GABRA2: variants seen among roughly 807,000 people sequenced by gnomAD.
The protein encoded by GABRA2 is gamma-aminobutyric acid type A receptor subunit alpha2.
Under a neutral mutation model 48.7 loss-of-function variants are expected in GABRA2, and 16 were observed. The ratio of observed to expected loss-of-function variants is 0.33; its 90% CI spans 0.22 to 0.50. GABRA2 has a LOEUF of 0.50. GABRA2 is among the 20% of genes least tolerant of loss of function. The probability of loss-of-function intolerance (pLI) is 0.98; values close to 1 mark genes in which losing one functional copy is unlikely to be tolerated. For missense variants in GABRA2, 275 were observed against 535.6 expected (o/e 0.51, Z 4.80); for synonymous variants, 185 against 184.5 (o/e 1.00, Z -0.02).
intron 8 of GABRA2, among the ~76,000 whole-genome samples, chr4:46,292,874 C>T (rs1426223941): frequency 2.6e-5 from 4 of 152,162 alleles, no homozygotes; most frequent in Non-Finnish European, 5.9e-5. Context: ...CTTTGAAGAG[C>T]CCTGTAATTG....
At chr4:46,340,401 G>A (rs1160014284) in intron 3 of GABRA2, among the ~76,000 whole-genome samples, 1 of 151,620 alleles carries the variant, frequency 6.6e-6, no homozygotes, top group African/African-American at 2.4e-5. Context: ...ACAAGCTCTG[G>A]CAACTGCTAA....
At chr4:46,303,250 A>G in intron 8 of GABRA2, 1 of 527,070 alleles carries the variant, frequency 1.9e-6, no homozygotes, top group Non-Finnish European at 3.3e-6. Context: ...TGTTTTAAGA[A>G]TATTTGAGTA....
At chr4:46,265,676 C>T (rs933197679) in intron 8 of GABRA2, among the ~76,000 whole-genome samples, 3 of 151,084 alleles carry the variant, frequency 2.0e-5, no homozygotes, top group African/African-American at 7.3e-5. Flanking sequence ...TTTCTGTTCT[C>T]TCTACAATTT....
chr4:46,316,427 C>T (rs1385954505), intron 4 of GABRA2, among the ~76,000 whole-genome samples: 1 of 151,956 alleles, frequency 6.6e-6, no homozygotes, highest in East Asian at 1.9e-4. Flanking sequence ...TCCAATAAAA[C>T]TCTGTTTACA....
chr4:46,263,078 T>TATATAC (rs1031857228), intron 8 of GABRA2, among the ~76,000 whole-genome samples: 2 of 152,002 alleles, frequency 1.3e-5, no homozygotes, highest in Non-Finnish European at 2.9e-5. Context: ...CACACGTACA[T>TATATAC]ATATACATAT....
intron 6 of GABRA2, among the ~76,000 whole-genome samples, chr4:46,309,351 C>T (rs1727239777): frequency 6.6e-6 from 1 of 152,002 alleles, no homozygotes; most frequent in Non-Finnish European, 1.5e-5. Flanking sequence ...TATTTCTATT[C>T]AACAGAGAAG....
chr4:46,366,049 C>T (rs1713982825), intron 3 of GABRA2: 1 of 151,928 alleles, frequency 6.6e-6, no homozygotes, highest in Admixed American at 6.6e-5. Flanking sequence ...TACTTTGTAC[C>T]AAGAAATGCT....
rs1578263555 is a variant in GABRA2, at chr4:46,389,791, T to G, written c.-67A>C. The G allele has an allele frequency of 4.3e-6, 4 of 933,874 alleles. No individual in the cohort carries two copies. Among genetic ancestry groups the G allele is most frequent in the African/African-American group, 4.7e-5 (2 of 42,320 alleles). The allele number at this position is 933,874 out of a possible 1,614,324, so 57.8% of individuals were successfully genotyped here. A position where few individuals can be genotyped will look rare whatever the true frequency, so the allele number is the denominator to read the frequency against. ...TCCTTTTGCCCTGATCTTGACGAGA[T>G]AGGAAACTTGGGAGAGAGAGAGAGA... On this transcript the variant is annotated 5_prime_UTR_variant, in exon 1 of 10. Transcript: ENST00000381620.
At chr4:46,344,555 A>G (rs1218378814) in intron 3 of GABRA2, among the ~76,000 whole-genome samples, 2 of 151,952 alleles carry the variant, frequency 1.3e-5, no homozygotes, top group African/African-American at 2.4e-5. Context: ...AAGGCAGAAG[A>G]TAGTTGAACA....
chr4:46,244,663 C>T lies in GABRA2; in HGVS notation c.*5645G>A, dbSNP rs1402888566. ...TATGACAAATGAAAACACATCTCTC[C>T]AACCACTAATAAAACTGGCAAAATT... On this transcript the variant is annotated 3_prime_UTR_variant, in exon 10 of 10. Coordinates refer to ENST00000381620, the MANE Select transcript of GABRA2 (RefSeq NM_000807.4). Among the ~76,000 whole-genome samples the T allele has an allele frequency of 1.3e-5, 2 of 151,516 alleles. No individual in the cohort carries two copies. Among genetic ancestry groups the T allele is most frequent in the East Asian group, 1.9e-4 (1 of 5,130 alleles).
chr4:46,358,974 C>G (rs2109947459), intron 3 of GABRA2, among the ~76,000 whole-genome samples: 1 of 152,298 alleles, frequency 6.6e-6, no homozygotes, highest in Middle Eastern at 3.4e-3. Context: ...CTCATATCTT[C>G]ATCCACTCAT....
At chr4:46,266,094 T>C (rs1718162751) in intron 8 of GABRA2, among the ~76,000 whole-genome samples, 2 of 151,816 alleles carry the variant, frequency 1.3e-5, no homozygotes, top group Admixed American at 1.3e-4. Flanking sequence ...ATTATCTTCC[T>C]AGAGAATGCT....
intron 9 of GABRA2, among the ~76,000 whole-genome samples, chr4:46,258,877 A>G (rs1420792840): frequency 1.3e-5 from 2 of 151,872 alleles, no homozygotes; most frequent in African/African-American, 4.8e-5. Context: ...TAGTAAATGA[A>G]AAGGAAATTA....
At chr4:46,375,817 C>T (rs1715612279) in intron 3 of GABRA2, among the ~76,000 whole-genome samples, 1 of 152,196 alleles carries the variant, frequency 6.6e-6, no homozygotes, top group Non-Finnish European at 1.5e-5. Flanking sequence ...CAGACTGGGT[C>T]TTGCTCGTGA....
At chr4:46,295,971 AGTGG>A (rs527373623) in intron 8 of GABRA2, among the ~76,000 whole-genome samples, 1 of 152,194 alleles carries the variant, frequency 6.6e-6, no homozygotes, top group South Asian at 2.1e-4. Context: ...TAAGTGAGAC[AGTGG>A]GTTCATGCTC....
chr4:46,389,712 G>A (rs201583870), intron 1 of GABRA2, 23 bp downstream of exon 1: 3 of 983,024 alleles, frequency 3.1e-6, no homozygotes, highest in Non-Finnish European at 3.6e-6. Context: ...TGTCTCTATC[G>A]GGACCAACGT....
chr4:46,263,939 T>TCTCTCC, intron 8 of GABRA2, among the ~76,000 whole-genome samples: 1 of 152,060 alleles, frequency 6.6e-6, no homozygotes, highest in Non-Finnish European at 1.5e-5. Context: ...TCTCTCTCTC[T>TCTCTCC]CTCTCTCTCT....
At chr4:46,289,237 T>C (rs1723127296) in intron 8 of GABRA2, among the ~76,000 whole-genome samples, 1 of 152,206 alleles carries the variant, frequency 6.6e-6, no homozygotes. Flanking sequence ...TATTCTATTG[T>C]AAAGATGCAT....
chr4:46,356,380 C>T (rs537460442), intron 3 of GABRA2, among the ~76,000 whole-genome samples: 2 of 151,644 alleles, frequency 1.3e-5, no homozygotes, highest in South Asian at 2.1e-4. Flanking sequence ...CTCTCCACAC[C>T]CCTGGCCAGG....
Sources: allele counts gnomAD v4.1 joint callset (sites outside exome capture counted in the v4.1 genomes callset), GRCh38; gene constraint gnomAD v4.1.1; transcripts MANE v1.5; gene names NCBI Gene and HGNC (gene_info 2026-07-23, HGNC 2026-07-21).